The following EYA1 variants were observed in gnomAD, a reference collection of about 807,000 sequenced individuals.
The protein encoded by EYA1 is EYA transcriptional coactivator and phosphatase 1, also known as protein phosphatase EYA1.
In EYA1, 16 loss-of-function variants were observed where a neutral mutation model predicts 82.0. That is an observed-to-expected ratio of 0.20 (90% CI 0.13 to 0.30). The LOEUF (loss-of-function observed/expected upper bound fraction) is 0.30, where lower values mean the gene tolerates loss of function less well. Ranked by LOEUF, EYA1 falls within the 10% of genes least tolerant of loss-of-function variation. The pLI is 1.00. For missense variants in EYA1, 633 were observed against 730.7 expected (o/e 0.87, Z 1.54); for synonymous variants, 261 against 264.4 (o/e 0.99, Z 0.12).
Position 71,455,136 on chromosome 8 carries a change from C to A in EYA1, c.33+80608G>T, listed in dbSNP as rs183403111. 1.1e-4 allele frequency among the ~76,000 whole-genome samples: 16 copies of A among 152,288 alleles called. No individual in the cohort carries two copies. The East Asian group carries it at 2.9e-3, about 28-fold the overall frequency. Reference sequence around the variant, plus strand: ...AGAGAATACTATAAATACCTCTACACAAATAAACTAGAAAATCTAGAAGAA... The same window carrying A: ...AGAGAATACTATAAATACCTCTACAAAAATAAACTAGAAAATCTAGAAGAA... On this transcript the variant is annotated intron_variant, in intron 2 of 18. Coordinates refer to the EYA1 transcript ENST00000643681.
chr8:71,431,725 C>CATTTT (rs1805631613), intron 2 of EYA1, among the ~76,000 whole-genome samples: 1 of 152,168 alleles, frequency 6.6e-6, no homozygotes, highest in Admixed American at 6.5e-5. Flanking sequence ...GTCTGTGTTA[C>CATTTT]TGAAAGAGAC....
intron 2 of EYA1, among the ~76,000 whole-genome samples, chr8:71,380,656 C>A (rs571402993): frequency 7.2e-5 from 11 of 152,220 alleles, no homozygotes; most frequent in Non-Finnish European, 1.3e-4. Context: ...CCCTAGTAAT[C>A]TCATAATCTC....
intron 3 of EYA1, among the ~76,000 whole-genome samples, chr8:71,349,578 A>G (rs546321170): frequency 6.6e-6 from 1 of 152,336 alleles, no homozygotes; most frequent in Admixed American, 6.5e-5. Context: ...TGGGAATCAC[A>G]CTGTAGAAGT....
chr8:71,251,755 C>T (rs748752606), intron 11 of EYA1, among the ~76,000 whole-genome samples: 6 of 152,144 alleles, frequency 3.9e-5, no homozygotes, highest in South Asian at 2.1e-4. Flanking sequence ...CAGAACTGCT[C>T]GCAGAGACTA....
At chr8:71,297,698 A>G (rs903850360) in intron 9 of EYA1, among the ~76,000 whole-genome samples, 21 of 152,276 alleles carry the variant, frequency 1.4e-4, no homozygotes, top group African/African-American at 4.8e-4. Context: ...AGAAAGTTCT[A>G]TAAGAACTCC....
chr8:71,523,866 C>G (rs2129274110), intron 2 of EYA1, among the ~76,000 whole-genome samples: 1 of 152,064 alleles, frequency 6.6e-6, no homozygotes, highest in African/African-American at 2.4e-5. Flanking sequence ...CTAGGGCAAA[C>G]AGAAAGATAA....
At chr8:71,364,071 T>A (rs1481952000), upstream of EYA1, among the ~76,000 whole-genome samples, 1 of 151,914 alleles carries the variant, frequency 6.6e-6, no homozygotes, top group Non-Finnish European at 1.5e-5. Context: ...TTTTTATTTA[T>A]ATAACCAAAT....
At chr8:71,228,644 AC>A (rs1169858908) in intron 12 of EYA1, among the ~76,000 whole-genome samples, 1 of 152,242 alleles carries the variant, frequency 6.6e-6, no homozygotes, top group Non-Finnish European at 1.5e-5. Flanking sequence ...TAGCAGTGTC[AC>A]TAGAAAATAC....
At chr8:71,444,190 G>A (rs1162573424) in intron 2 of EYA1, among the ~76,000 whole-genome samples, 1 of 152,200 alleles carries the variant, frequency 6.6e-6, no homozygotes, top group Non-Finnish European at 1.5e-5. Flanking sequence ...CATAAAATGA[G>A]TTCTTCTCAA....
intron 4 of EYA1, among the ~76,000 whole-genome samples, chr8:71,328,206 C>T (rs1215843417): frequency 1.3e-5 from 2 of 152,070 alleles, no homozygotes; most frequent in South Asian, 2.1e-4. Context: ...GGAGTGGTGG[C>T]CACAGAGCTA....
chr8:71,501,363 G>A (rs1450144334), intron 2 of EYA1, among the ~76,000 whole-genome samples: 1 of 152,184 alleles, frequency 6.6e-6, no homozygotes, highest in African/African-American at 2.4e-5. Context: ...GTTTTGAGAT[G>A]ATTTAAAACA....
intron 17 of EYA1, among the ~76,000 whole-genome samples, chr8:71,200,740 C>A (rs1474941886): frequency 2.0e-5 from 3 of 151,806 alleles, no homozygotes; most frequent in Admixed American, 2.0e-4. Context: ...CGCTGCCTAC[C>A]CTATTTTGAG....
intron 9 of EYA1, among the ~76,000 whole-genome samples, chr8:71,272,155 C>A (rs1199841385): frequency 6.6e-6 from 1 of 152,136 alleles, no homozygotes; most frequent in Non-Finnish European, 1.5e-5. Flanking sequence ...AGGTTGCCTG[C>A]ATCTTCCATG....
chr8:71,266,610 T>G (rs1208461336), intron 11 of EYA1, among the ~76,000 whole-genome samples: 1 of 152,020 alleles, frequency 6.6e-6, no homozygotes, highest in Non-Finnish European at 1.5e-5. Context: ...ACAAGGAAGG[T>G]GCTCAAAAAA....
intron 9 of EYA1, among the ~76,000 whole-genome samples, chr8:71,290,111 T>A (rs1027289510): frequency 1.3e-5 from 2 of 150,952 alleles, no homozygotes; most frequent in Non-Finnish European, 2.9e-5. Flanking sequence ...AGTAAAAAAA[T>A]TTATCAAACA....
chr8:71,406,530 G>C (rs993486523), intron 2 of EYA1, among the ~76,000 whole-genome samples: 12 of 152,060 alleles, frequency 7.9e-5, no homozygotes, highest in African/African-American at 2.9e-4. Flanking sequence ...CCGTGTGCGA[G>C]CCGAAGCAGG....
chr8:71,455,005 T>A (rs1000816633), intron 2 of EYA1, among the ~76,000 whole-genome samples: 3 of 151,810 alleles, frequency 2.0e-5, no homozygotes, highest in Admixed American at 6.6e-5. Flanking sequence ...ATTGACAGAC[T>A]GCTAGCAAAA....
chr8:71,263,936 T>C (rs1481343860), intron 11 of EYA1, among the ~76,000 whole-genome samples: 1 of 152,116 alleles, frequency 6.6e-6, no homozygotes, highest in East Asian at 1.9e-4. Flanking sequence ...AAATTCAAAT[T>C]TGGGAGCATT....
At chr8:71,321,624 G>T in intron 6 of EYA1, 110 bp downstream of exon 6, 1 of 1,356,586 alleles carries the variant, frequency 7.4e-7, no homozygotes, top group Non-Finnish European at 1.0e-6. Context: ...CACAGAAGGT[G>T]ACAACACGTT....
Sources: gnomAD v4.1 joint callset for allele counts (sites outside exome capture counted in the v4.1 genomes callset) on GRCh38, gnomAD v4.1.1 for gene constraint, MANE v1.5 for transcripts, NCBI Gene and HGNC (gene_info 2026-07-23, HGNC 2026-07-21) for gene names.